The following UNC13B variants were observed in gnomAD, a reference collection of about 807,000 sequenced individuals.
UNC13B encodes the protein protein unc-13 homolog B.
UNC13B carries 144 observed loss-of-function variants against 211.0 expected under a neutral mutation model. The observed-to-expected ratio is 0.68, with a 90% CI of 0.60 to 0.78. The LOEUF is 0.78. Ranked by LOEUF, UNC13B falls within the 30% of genes least tolerant of loss-of-function variation. The probability of loss-of-function intolerance (pLI) is 0.00; values close to 1 mark genes in which losing one functional copy is unlikely to be tolerated. For synonymous variants in UNC13B, 709 were observed against 725.8 expected, an observed-to-expected ratio of 0.98 and a Z score of 0.37; for missense variants, 1,777 against 2,002.0, an observed-to-expected ratio of 0.89 and a Z score of 2.14.
intron 22 of UNC13B, chr9:35,385,328 C>G: frequency 1.0e-6 from 1 of 985,432 alleles, no homozygotes; most frequent in Non-Finnish European, 1.2e-6. Context: ...AGTGTGGCTC[C>G]ACTTATATTC....
At position 35,353,883 on chromosome 9, in the gene UNC13B, G is replaced by A. The variant is rs970188173; in HGVS notation, c.9415-13064G>A. ...CCTCCATCTGGCCAGCATGAGACCT[G>A]GTGTGGTGGCCAGTTTAATAAGGTG... On this transcript the variant is annotated intron_variant, in intron 11 of 39. Transcript: ENST00000635942. 11 of 983,896 alleles carry A rather than the reference G, an allele frequency of 1.1e-5. No individual in the cohort carries two copies. The African/African-American group carries it at 1.9e-4, about 17-fold the overall frequency. The allele number at this position is 983,896 out of a possible 1,614,324, so 60.9% of individuals were successfully genotyped here.
chr9:35,385,914 C>G (rs1835159298), intron 23 of UNC13B, 101 bp downstream of exon 23: 22 of 1,476,096 alleles, frequency 1.5e-5, no homozygotes, highest in African/African-American at 8.4e-5. Flanking sequence ...CTACAGGATT[C>G]ATCACCTCTA....
chr9:35,168,604 A>G (rs1316895071), intron 1 of UNC13B, among the ~76,000 whole-genome samples: 1 of 152,088 alleles, frequency 6.6e-6, no homozygotes, highest in Non-Finnish European at 1.5e-5. Flanking sequence ...TGTTGAAAAG[A>G]CCAAAGACTC....
At position 35,254,955 on chromosome 9, in the gene UNC13B, A is replaced by T. The variant is rs1261924663; in HGVS notation, c.469-4038A>T. 2.6e-5 allele frequency among the ~76,000 whole-genome samples: 3 copies of T among 117,040 alleles called. No homozygotes were observed. In the South Asian group the frequency reaches 6.6e-4, roughly 26 times the overall value. 76.8% of individuals were successfully genotyped at this position (117,040 alleles called of 152,430 possible). A position where few individuals can be genotyped will look rare whatever the true frequency, so the allele number is the denominator to read the frequency against. ...TAATATATATTAATATATGTATATA[A>T]TATAATATATTATATTATATATTAA... On this transcript the variant is annotated intron_variant, in intron 6 of 39. Coordinates refer to ENST00000635942, the MANE Select transcript of UNC13B (RefSeq NM_001371189.2).
At chr9:35,361,684 A>G (rs1320497538) in intron 11 of UNC13B, 1 of 152,266 alleles carries the variant, frequency 6.6e-6, no homozygotes, top group Non-Finnish European at 1.5e-5. Flanking sequence ...AATATATGAT[A>G]CTACAAAACA....
At chr9:35,319,664 T>A (rs1448506745) in intron 11 of UNC13B, among the ~76,000 whole-genome samples, 5 of 152,072 alleles carry the variant, frequency 3.3e-5, no homozygotes, top group Middle Eastern at 3.4e-3. Context: ...CTTTTTTTTT[T>A]AATTTTATTT....
intron 11 of UNC13B, among the ~76,000 whole-genome samples, chr9:35,330,320 A>T (rs1419557576): frequency 1.3e-5 from 2 of 152,356 alleles, no homozygotes; most frequent in African/African-American, 4.8e-5. Context: ...ACCTGAGGCA[A>T]CTGAATGACC....
Position 35,399,666 on chromosome 9 carries a change from G to A in UNC13B, c.12273G>A (p.Glu4091=). The change falls in exon 36 of 40, where the codon GAG becomes GAA. Residue 4091 remains glutamate (E), a synonymous_variant. Transcript: ENST00000635942. ...LSKLKDHMVR[E]ETRNLTPKQC... is the part of the protein sequence containing the mutation. Reference sequence around the variant, plus strand: ...CTGAACAGGATCACATGGTACGAGAGGAAACACGGAATCTCACTCCAAAGC... The same window carrying A: ...CTGAACAGGATCACATGGTACGAGAAGAAACACGGAATCTCACTCCAAAGC... 6.2e-7 allele frequency: 1 copy of A among 1,614,130 alleles called. No individual in the cohort carries two copies. The highest frequency in any genetic ancestry group is 8.5e-7 in the Non-Finnish European group (1 of 1,180,020).
chr9:35,224,127 A>G (rs534590129), intron 1 of UNC13B, among the ~76,000 whole-genome samples: 2 of 152,128 alleles, frequency 1.3e-5, no homozygotes, highest in Non-Finnish European at 1.5e-5. Flanking sequence ...TGCTTTGACT[A>G]TCCAGGGTCT....
At chr9:35,257,467 G>A (rs1587483879) in intron 6 of UNC13B, among the ~76,000 whole-genome samples, 1 of 144,150 alleles carries the variant, frequency 6.9e-6, no homozygotes, top group South Asian at 2.1e-4. Flanking sequence ...TGTAATCCCA[G>A]CTACTCGGGA....
intron 11 of UNC13B, among the ~76,000 whole-genome samples, chr9:35,348,397 G>A (rs543288013): frequency 6.6e-4 from 100 of 152,286 alleles, no homozygotes; most frequent in Middle Eastern, 3.4e-3. Context: ...TGAGGTGTTG[G>A]GAACTGAATG....
Position 35,396,556 on chromosome 9 carries a change from G to C in UNC13B, c.11389G>C (p.Val3797Leu). Residue 3797 changes from valine (V) to leucine (L), a missense_variant, in exon 27 of 40, where the codon GTG (valine) becomes CTG (leucine). By Grantham distance (32) the Val-to-Leu change is conservative. Transcript: ENST00000635942. Reference protein sequence around the residue: ...FKVKWLHNEYVRDLPVLQGQV... With the variant: ...FKVKWLHNEYLRDLPVLQGQV... ...GGTGAAGTGGCTCCACAATGAATAC[G>C]TGCGGGATCTGCCTGTCCTCCAGGG... 6.2e-7 allele frequency: 1 copy of C among 1,614,092 alleles called. No homozygotes were observed. Among genetic ancestry groups the C allele is most frequent in the Non-Finnish European group, 8.5e-7 (1 of 1,180,020 alleles).
In UNC13B at chr9:35,239,312, G is replaced by A. The variant is rs547932804; in HGVS notation, c.394+1486G>A. ...GGAAATTTTAAAGCTGGGTGTCCAG[G>A]GGAGACGTCACATGTCGGCAGGTTC... is the stretch of plus-strand genomic sequence containing the variant. On this transcript the variant is annotated intron_variant, in intron 5 of 39. Coordinates refer to ENST00000635942, the MANE Select transcript of UNC13B (RefSeq NM_001371189.2). Among the ~76,000 whole-genome samples, 7 of 152,190 alleles carry A rather than the reference G, an allele frequency of 4.6e-5. No individual in the cohort carries two copies. In the South Asian group the frequency reaches 1.5e-3, roughly 32 times the overall value.
At chr9:35,342,521 T>A (rs1255697907) in intron 11 of UNC13B, among the ~76,000 whole-genome samples, 1 of 152,174 alleles carries the variant, frequency 6.6e-6, no homozygotes, top group East Asian at 1.9e-4. Flanking sequence ...GGTAGAATCT[T>A]CACATGCATG....
rs1317758412 is a variant in UNC13B, at chr9:35,302,532, A to G, written c.3128A>G (p.Lys1043Arg). ...GAAGATGCCAAATTTAATATAATAA[A>G]GTCTGATTCAGTTACAAATATTAAT... ...SPEDAKFNIIKSDSVTNINND... is the reference protein window; with the variant it reads ...SPEDAKFNIIRSDSVTNINND... The change falls in exon 9 of 40, where the codon AAG becomes AGG. Residue 1043 changes from lysine (K) to arginine (R), a missense_variant. Transcript: ENST00000635942. 1 of 398,596 alleles carries G rather than the reference A, an allele frequency of 2.5e-6. No homozygotes were observed. Among genetic ancestry groups the G allele is most frequent in the African/African-American group, 2.1e-5 (1 of 48,626 alleles). The allele number at this position is 398,596 out of a possible 1,614,324, so 24.7% of individuals were successfully genotyped here. A position where few individuals can be genotyped will look rare whatever the true frequency, so the allele number is the denominator to read the frequency against.
intron 8 of UNC13B, among the ~76,000 whole-genome samples, chr9:35,298,699 C>G (rs1484332783): frequency 6.6e-6 from 1 of 152,150 alleles, no homozygotes; most frequent in East Asian, 1.9e-4. Context: ...GATGTTATAT[C>G]TATAAAGAAC....
In UNC13B at chr9:35,307,873, G is replaced by A. The variant is rs1398265769; in HGVS notation, c.8469G>A (p.Gly2823=). ...LSTLFEGSSE[G]KGSVLASDSK... ...CTCTATTTGAGGGAAGTAGTGAGGG[G>A]AAAGGGAGTGTATTAGCAAGTGATT... is the stretch of plus-strand genomic sequence containing the variant. Residue 2823 remains glycine, a synonymous_variant, in exon 9 of 40, where the codon GGG becomes GGA. Transcript: ENST00000635942. 1 of 398,990 alleles carries A rather than the reference G, an allele frequency of 2.5e-6. No individual in the cohort carries two copies. The highest frequency in any genetic ancestry group is 4.4e-6 in the Non-Finnish European group (1 of 226,090). 24.7% of individuals were successfully genotyped at this position (398,990 alleles called of 1,614,324 possible). A position where few individuals can be genotyped will look rare whatever the true frequency, so the allele number is the denominator to read the frequency against.
intron 1 of UNC13B, among the ~76,000 whole-genome samples, chr9:35,180,928 TA>T (rs11427601): frequency 1.7e-3 from 236 of 140,884 alleles, no homozygotes; most frequent in Middle Eastern, 3.6e-3. Flanking sequence ...ACCCTGTCTT[TA>T]AAAAAAAAAA....
At chr9:35,336,592 G>A (rs1192369300) in intron 11 of UNC13B, among the ~76,000 whole-genome samples, 2 of 152,136 alleles carry the variant, frequency 1.3e-5, no homozygotes, top group Non-Finnish European at 2.9e-5. Flanking sequence ...GACGCCCTGG[G>A]CTTAGGATAT....
Sources: allele counts gnomAD v4.1 joint callset (sites outside exome capture counted in the v4.1 genomes callset), GRCh38; gene constraint gnomAD v4.1.1; transcripts MANE v1.5; gene names NCBI Gene and HGNC (gene_info 2026-07-23, HGNC 2026-07-21).